The following ERBB4 variants were observed in gnomAD, a reference collection of about 807,000 sequenced individuals.
ERBB4 encodes the protein erb-b2 receptor tyrosine kinase 4.
A neutral mutation model predicts 158.0 loss-of-function variants in ERBB4; 42 were observed. The ratio of observed to expected loss-of-function variants is 0.27; its 90% CI spans 0.21 to 0.34. The LOEUF (loss-of-function observed/expected upper bound fraction) is 0.34. Ranked by LOEUF, ERBB4 falls within the 10% of genes least tolerant of loss-of-function variation. The probability of loss-of-function intolerance (pLI) is 1.00; values close to 1 mark genes in which losing one functional copy is unlikely to be tolerated. For synonymous variants in ERBB4, 583 were observed against 558.7 expected, an observed-to-expected ratio of 1.04 and a Z score of -0.61; for missense variants, 1,333 against 1,624.1, an observed-to-expected ratio of 0.82 and a Z score of 3.08.
chr2:211,490,729 G>C (rs1419713187), intron 20 of ERBB4, among the ~76,000 whole-genome samples: 1 of 152,034 alleles, frequency 6.6e-6, no homozygotes, highest in African/African-American at 2.4e-5. Context: ...GTGTGCTGTA[G>C]ACAAACTGCA....
In ERBB4 at chr2:212,114,885, A is replaced by C. The variant is rs115520432; in HGVS notation, c.234+9867T>G. Among the ~76,000 whole-genome samples the C allele has an allele frequency of 5.7e-3, 873 of 152,292 alleles. 8 individuals are homozygous for C. Among genetic ancestry groups the C allele is most frequent in the Non-Finnish European group, 8.1e-3 (548 of 68,010 alleles). ...AGAGCATGGCTCAATAATGGTATAC[A>C]GGGTATCAAAGAAGAAAGGAAGAAG... On this transcript the variant is annotated intron_variant, in intron 2 of 27. Coordinates refer to ENST00000342788, the MANE Select transcript of ERBB4 (RefSeq NM_005235.3).
At chr2:212,053,448 C>T (rs1245430749) in intron 2 of ERBB4, among the ~76,000 whole-genome samples, 1 of 152,002 alleles carries the variant, frequency 6.6e-6, no homozygotes, top group African/African-American at 2.4e-5. Context: ...TAGTATGGGC[C>T]ACAACTCTAT....
intron 1 of ERBB4, among the ~76,000 whole-genome samples, chr2:212,498,377 T>A (rs1690699558): frequency 6.6e-6 from 1 of 152,208 alleles, no homozygotes; most frequent in African/African-American, 2.4e-5. Flanking sequence ...ATATTTAAGC[T>A]ATTTAAATCC....
At chr2:211,689,086 C>T (rs1251631143) in intron 12 of ERBB4, among the ~76,000 whole-genome samples, 1 of 152,040 alleles carries the variant, frequency 6.6e-6, no homozygotes, top group East Asian at 1.9e-4. Context: ...TCAACAGTTT[C>T]TCTGTTATAT....
chr2:212,253,055 T>C (rs531653707), intron 1 of ERBB4, among the ~76,000 whole-genome samples: 1 of 152,286 alleles, frequency 6.6e-6, no homozygotes, highest in South Asian at 2.1e-4. Context: ...TCGTCAGTTA[T>C]ATATTACATG....
At chr2:212,296,684 A>T (rs920833350) in intron 1 of ERBB4, among the ~76,000 whole-genome samples, 8 of 151,908 alleles carry the variant, frequency 5.3e-5, no homozygotes, top group Non-Finnish European at 8.8e-5. Flanking sequence ...ACTGGCTTCA[A>T]TCTGAATGTA....
chr2:211,765,197 G>T (rs1023272368), intron 4 of ERBB4, among the ~76,000 whole-genome samples: 3 of 152,112 alleles, frequency 2.0e-5, no homozygotes, highest in Admixed American at 2.0e-4. Flanking sequence ...TTGGAGACAA[G>T]ATTCAAACTC....
chr2:212,000,133 T>G lies in ERBB4; in HGVS notation c.235-52517A>C, dbSNP rs184382454. Among the ~76,000 whole-genome samples the G allele has an allele frequency of 3.3e-5, 5 of 151,930 alleles. No homozygotes were observed. The East Asian group carries it at 7.7e-4, about 23-fold the overall frequency. On this transcript the variant is annotated intron_variant, in intron 2 of 27. Transcript: ENST00000342788. Reference sequence around the variant, plus strand: ...AAGGTATTAACACTACCATTTAGTTTCATGTTTTTCACATCAATAAGCAGG... The same window carrying G: ...AAGGTATTAACACTACCATTTAGTTGCATGTTTTTCACATCAATAAGCAGG...
chr2:211,894,879 T>C (rs535394649), intron 3 of ERBB4, among the ~76,000 whole-genome samples: 4 of 152,284 alleles, frequency 2.6e-5, no homozygotes, highest in African/African-American at 7.2e-5. Context: ...TTTGTGAACA[T>C]TGAGGATGAA....
Position 212,488,123 on chromosome 2 carries a change from A to G in ERBB4, c.82+50326T>C, listed in dbSNP as rs182502844. Among the ~76,000 whole-genome samples, 6 of 152,008 alleles carry G rather than the reference A, an allele frequency of 3.9e-5. No individual in the cohort carries two copies. In the East Asian group the frequency reaches 9.7e-4, roughly 25 times the overall value. ...TTCACTGATAACCTCCAAACCTCCA[A>G]ACTCTATGGATGATATCTAATTTTA... On this transcript the variant is annotated intron_variant, in intron 1 of 27. Coordinates refer to ENST00000342788, the MANE Select transcript of ERBB4 (RefSeq NM_005235.3).
intron 17 of ERBB4, among the ~76,000 whole-genome samples, chr2:211,625,846 T>C (rs998003387): frequency 2.6e-5 from 4 of 152,178 alleles, no homozygotes; most frequent in African/African-American, 7.2e-5. Context: ...ACATAAAATA[T>C]ACATTGTGTA....
chr2:212,202,092 T>C (rs1244487267), intron 1 of ERBB4, among the ~76,000 whole-genome samples: 1 of 152,190 alleles, frequency 6.6e-6, no homozygotes, highest in Non-Finnish European at 1.5e-5. Flanking sequence ...GCTAGGTTTG[T>C]AGTATGGATT....
intron 1 of ERBB4, among the ~76,000 whole-genome samples, chr2:212,285,959 T>C (rs1359913408): frequency 1.3e-5 from 2 of 152,188 alleles, no homozygotes; most frequent in African/African-American, 4.8e-5. Flanking sequence ...AGATATTATA[T>C]GTATGATTTG....
chr2:211,745,288 A>G (rs1004130380), intron 5 of ERBB4, among the ~76,000 whole-genome samples: 2 of 152,214 alleles, frequency 1.3e-5, no homozygotes, highest in African/African-American at 4.8e-5. Flanking sequence ...AATACAACCT[A>G]AATTCTAAAA....
At chr2:211,736,138 G>T (rs1421837174) in intron 5 of ERBB4, among the ~76,000 whole-genome samples, 1 of 151,218 alleles carries the variant, frequency 6.6e-6, no homozygotes, top group African/African-American at 2.4e-5. Context: ...GCTCCAGCCT[G>T]GGCAACACAG....
chr2:211,514,909 C>A lies in ERBB4; in HGVS notation c.2487+46994G>T, dbSNP rs576176374. ...TTGCAGCATTTTGGATTTTGATTTT[C>A]CAGATTAGAGATGCTCAACCTGTAC... On this transcript the variant is annotated intron_variant, in intron 20 of 27. Transcript: ENST00000342788. 4.2e-4 allele frequency among the ~76,000 whole-genome samples: 64 copies of A among 152,136 alleles called. No individual in the cohort carries two copies. In the South Asian group the frequency reaches 7.5e-3, roughly 18 times the overall value.
intron 19 of ERBB4, among the ~76,000 whole-genome samples, chr2:211,599,137 C>T (rs986078821): frequency 1.1e-4 from 17 of 152,138 alleles, no homozygotes; most frequent in African/African-American, 3.9e-4. Context: ...ACATATTGAC[C>T]TCTTAAGTCT....
chr2:212,476,618 C>T (rs1048223813), intron 1 of ERBB4, among the ~76,000 whole-genome samples: 1 of 151,884 alleles, frequency 6.6e-6, no homozygotes, highest in African/African-American at 2.4e-5. Flanking sequence ...TCAGTTTTTC[C>T]CTGAAGACGC....
At chr2:212,084,571 C>G (rs985598060) in intron 2 of ERBB4, among the ~76,000 whole-genome samples, 1 of 151,840 alleles carries the variant, frequency 6.6e-6, no homozygotes, top group African/African-American at 2.4e-5. Context: ...TCTTGATTAC[C>G]CATGGGGAAA....
Sources: allele counts gnomAD v4.1 joint callset (sites outside exome capture counted in the v4.1 genomes callset), GRCh38; gene constraint gnomAD v4.1.1; transcripts MANE v1.5; gene names NCBI Gene and HGNC (gene_info 2026-07-23, HGNC 2026-07-21).